The following INSL6 variants were observed in gnomAD, a reference collection of about 807,000 sequenced individuals.
INSL6 encodes the protein insulin like 6.
A neutral mutation model predicts 9.4 loss-of-function variants in INSL6; 16 were observed. The observed-to-expected ratio is 1.70, with a 90% CI of 1.15 to 2.59. The LOEUF is 2.59. Ranked by LOEUF, INSL6 falls within the 30% of genes most tolerant of loss-of-function variation. The pLI is 0.00. For missense variants in INSL6, 391 were observed against 257.3 expected (o/e 1.52, Z -3.56); for synonymous variants, 154 against 96.9 (o/e 1.59, Z -3.46).
At chr9:5,094,030 T>C in the INSL6 span, 2 of 152,188 alleles carry the variant, frequency 1.3e-5, no homozygotes, top group African/African-American at 4.8e-5. Context: ...TTTCTTAAGA[T>C]GGCGGAGCCT....
chr9:5,046,623 TTTTCCTAG>T, the INSL6 span, among the ~76,000 whole-genome samples: 1 of 152,186 alleles, frequency 6.6e-6, no homozygotes, highest in Non-Finnish European at 1.5e-5. Context: ...GAATATCCAG[TTTTCCTAG>T]CACCATTTGT....
chr9:5,163,914 T>C lies in INSL6; in HGVS notation c.641A>G (p.Ter214=), dbSNP rs149139200. 4.5e-6 allele frequency: 7 copies of C among 1,558,680 alleles called. No homozygotes were observed. The African/African-American group carries it at 9.5e-5, about 21-fold the overall frequency. Residue 214 remains the stop codon, a stop_retained_variant, in exon 2 of 2, where the codon TAA becomes TGA. Transcript: ENST00000381641. ...AGGTTAGAAAAAATTCTAAGATGGT[T>C]AGTATATCTTAGTTACAAGTGATGA... ...KRSSLVTKIY[*]
At chr9:5,060,786 G>T in the INSL6 span, among the ~76,000 whole-genome samples, 9 of 152,114 alleles carry the variant, frequency 5.9e-5, no homozygotes, top group Admixed American at 5.9e-4. Context: ...ATCAAGAATG[G>T]TGAATCCTTT....
intron 1 of INSL6, among the ~76,000 whole-genome samples, chr9:5,167,675 T>C (rs1825085948): frequency 6.6e-6 from 1 of 152,192 alleles, no homozygotes; most frequent in African/African-American, 2.4e-5. Context: ...GCCATTTTAG[T>C]CTTTCCTGCC....
chr9:5,112,656 T>A, the INSL6 span: 1 of 984,048 alleles, frequency 1.0e-6, no homozygotes, highest in Non-Finnish European at 1.4e-6. Flanking sequence ...ACCAAACTCC[T>A]TATCCTGCAC....
chr9:5,078,417 A>G, the INSL6 span: 7 of 1,612,940 alleles, frequency 4.3e-6, no homozygotes, highest in African/African-American at 6.7e-5. Context: ...TGATCCTGGC[A>G]TTAGTATTAC....
chr9:5,065,167 G>T, the INSL6 span: 2 of 505,114 alleles, frequency 4.0e-6, no homozygotes, highest in Non-Finnish European at 6.5e-6. Flanking sequence ...TAAACAAAAG[G>T]CTATTTGCAA....
chr9:4,999,985 A>T, the INSL6 span, among the ~76,000 whole-genome samples: 3 of 152,176 alleles, frequency 2.0e-5, no homozygotes, highest in Non-Finnish European at 4.4e-5. Context: ...CAGCTAAGGA[A>T]GCTAAGGAAG....
intron 2 of INSL6, among the ~76,000 whole-genome samples, chr9:5,144,253 T>C (rs78110299): frequency 7.2e-5 from 11 of 152,240 alleles, no homozygotes; most frequent in African/African-American, 2.4e-4. Flanking sequence ...CTTCATTTCA[T>C]TATTTACCCA....
the INSL6 span, among the ~76,000 whole-genome samples, chr9:5,024,525 G>A: frequency 6.6e-6 from 1 of 151,936 alleles, no homozygotes; most frequent in Non-Finnish European, 1.5e-5. Context: ...AAAGCTTAGG[G>A]TCTTTTCTTC....
the INSL6 span, among the ~76,000 whole-genome samples, chr9:5,029,206 G>T: frequency 1.3e-5 from 2 of 152,100 alleles, no homozygotes; most frequent in Admixed American, 6.6e-5. Flanking sequence ...TTTCCATATT[G>T]TTGTGTCTCA....
At chr9:5,078,119 G>A in the INSL6 span, among the ~76,000 whole-genome samples, 2 of 152,088 alleles carry the variant, frequency 1.3e-5, no homozygotes, top group African/African-American at 4.8e-5. Context: ...ATAGATTATT[G>A]TGTTATTTAA....
intron 1 of INSL6, among the ~76,000 whole-genome samples, chr9:5,180,276 T>C (rs541588500): frequency 3.9e-5 from 6 of 152,284 alleles, no homozygotes; most frequent in African/African-American, 1.2e-4. Context: ...CTGTACAAAT[T>C]GATTGTAAAA....
the INSL6 span, among the ~76,000 whole-genome samples, chr9:5,002,862 C>G: frequency 6.6e-6 from 1 of 151,916 alleles, no homozygotes; most frequent in African/African-American, 2.4e-5. Flanking sequence ...GTTCTGCTTA[C>G]AAGAGGTCAC....
Position 5,180,216 on chromosome 9 carries a change from G to A in INSL6, c.289+5098C>T, listed in dbSNP as rs147275256. 1.4e-3 allele frequency among the ~76,000 whole-genome samples: 213 copies of A among 152,108 alleles called. 2 individuals carry two copies. The highest frequency in any genetic ancestry group is 4.2e-3 in the African/African-American group (176 of 41,478). On this transcript the variant is annotated intron_variant, in intron 1 of 1. Transcript: ENST00000381641. ...TTACTCTCTTAATCCTGTTATCTTC[G>A]TAAGCTGAGGATGTATGTCACCTCA...
chr9:5,164,835 T>C (rs1825013467), intron 1 of INSL6, among the ~76,000 whole-genome samples: 1 of 152,244 alleles, frequency 6.6e-6, no homozygotes, highest in South Asian at 2.1e-4. Context: ...AGTTTTCCAA[T>C]GTGTGGATAT....
chr9:5,017,508 T>A, the INSL6 span, among the ~76,000 whole-genome samples: 2 of 152,238 alleles, frequency 1.3e-5, no homozygotes, highest in Non-Finnish European at 2.9e-5. Context: ...TGAACTTCAT[T>A]TTTTCCTTCC....
the INSL6 span, chr9:5,085,977 T>G: frequency 9.8e-7 from 1 of 1,025,192 alleles, no homozygotes; most frequent in Non-Finnish European, 1.5e-6. Flanking sequence ...ACTGTGTGTT[T>G]TGCTGTACGG....
At chr9:5,071,418 T>C in the INSL6 span, among the ~76,000 whole-genome samples, 1 of 151,918 alleles carries the variant, frequency 6.6e-6, no homozygotes, top group East Asian at 1.9e-4. Context: ...TGTTTAAAGA[T>C]AGAAAAGGAA....
Sources: gnomAD v4.1 joint callset for allele counts (sites outside exome capture counted in the v4.1 genomes callset) on GRCh38, gnomAD v4.1.1 for gene constraint, MANE v1.5 for transcripts, NCBI Gene and HGNC (gene_info 2026-07-23, HGNC 2026-07-21) for gene names.